Variants in NSUN3 observed in about 807,000 individuals in gnomAD.
The protein encoded by NSUN3 is tRNA (cytosine(34)-C(5))-methyltransferase, mitochondrial.
Under a neutral mutation model 36.8 loss-of-function variants are expected in NSUN3, and 24 were observed. The ratio of observed to expected loss-of-function variants is 0.65; its 90% CI spans 0.47 to 0.92. NSUN3 has a LOEUF of 0.92. NSUN3 is among the 40% of genes least tolerant of loss of function. The pLI is 0.00. For missense variants in NSUN3, 381 were observed against 392.8 expected (o/e 0.97, Z 0.25); for synonymous variants, 146 against 145.2 (o/e 1.01, Z -0.04).
intron 5 of NSUN3, among the ~76,000 whole-genome samples, chr3:94,103,675 A>G (rs985183277): frequency 1.3e-5 from 2 of 152,136 alleles, no homozygotes; most frequent in Admixed American, 6.6e-5. Flanking sequence ...GAACATTTCA[A>G]TTATTCAATA....
intron 1 of NSUN3, among the ~76,000 whole-genome samples, chr3:94,063,592 T>A (rs1051187289): frequency 1.4e-4 from 21 of 152,110 alleles, no homozygotes; most frequent in African/African-American, 4.8e-4. Flanking sequence ...TTTCACCAAT[T>A]TTTCTTGATG....
chr3:94,125,955 G>A (rs1223329245), intron 5 of NSUN3, among the ~76,000 whole-genome samples: 1 of 152,060 alleles, frequency 6.6e-6, no homozygotes, highest in East Asian at 1.9e-4. Context: ...AGCTACTTGG[G>A]AGGCTGAGGC....
At position 94,094,160 on chromosome 3, in the gene NSUN3, T is replaced by A. The variant is rs537915275; in HGVS notation, c.487T>A (p.Tyr163Asn). ...TTTAGGTTATCTTCATTGTAATGAA[T>A]ATGATAGTCTGAGATTGAGGTGGCT... ...ACPGYLHCNE[Y>N]DSLRLRWLRQ... Residue 163 changes from tyrosine to asparagine, a missense_variant, in exon 4 of 6, where the codon TAT (tyrosine) becomes AAT (asparagine). Physicochemically the swap from Tyr to Asn is moderately radical, Grantham distance 143 (BLOSUM62 -2). Transcript: ENST00000314622. The A allele has an allele frequency of 6.2e-7, 1 of 1,611,556 alleles. No individual in the cohort carries two copies. Among genetic ancestry groups the A allele is most frequent in the African/African-American group, 1.3e-5 (1 of 74,926 alleles).
chr3:94,115,383 A>C (rs1001428263), intron 5 of NSUN3, among the ~76,000 whole-genome samples: 5 of 152,166 alleles, frequency 3.3e-5, no homozygotes, highest in African/African-American at 1.2e-4. Context: ...ATTTGCTTCC[A>C]ACGGAAGGGT....
chr3:94,111,133 G>T (rs1334032966), intron 5 of NSUN3, among the ~76,000 whole-genome samples: 1 of 152,150 alleles, frequency 6.6e-6, no homozygotes, highest in Non-Finnish European at 1.5e-5. Flanking sequence ...GAATACTGTA[G>T]GCAGTTGTAA....
chr3:94,099,979 G>A (rs1349962790), intron 5 of NSUN3, among the ~76,000 whole-genome samples: 2 of 152,076 alleles, frequency 1.3e-5, no homozygotes, highest in Non-Finnish European at 2.9e-5. Flanking sequence ...GAAATAAAAG[G>A]TTTTAAAATG....
chr3:94,084,230 A>AC lies in NSUN3; in HGVS notation c.249dup (p.Asn84GlnfsTer4). The AC allele has an allele frequency of 6.2e-7, 1 of 1,614,086 alleles. No homozygotes were observed. On this transcript the variant is annotated frameshift_variant, in exon 3 of 6. Coordinates refer to ENST00000314622, the MANE Select transcript of NSUN3 (RefSeq NM_022072.5). LOFTEE classifies it high-confidence loss of function. Reference sequence around the variant, plus strand: ...ATCACACACTCTCTCAGGGATCTTTACCCAACTATCCTAAATCAGTGAAGT... The same window carrying AC: ...ATCACACACTCTCTCAGGGATCTTTACCCCAACTATCCTAAATCAGTGAAGT...
chr3:94,064,446 A>G lies in NSUN3; in HGVS notation c.22A>G (p.Lys8Glu). ...TTTCTTATCGTCATAGCTGAAAGCA[A>G]AATCAGAGGGGAAGCTTGCAAAACA... The part of the protein sequence containing the change: MLTQLKA[K>E]SEGKLAKQIC... The change falls in exon 2 of 6, where the codon AAA becomes GAA. Residue 8 changes from lysine (K) to glutamate (E), a missense_variant. Physicochemically the swap from Lys to Glu is moderately conservative, Grantham distance 56. Coordinates refer to ENST00000314622, the MANE Select transcript of NSUN3 (RefSeq NM_022072.5). 6.2e-7 allele frequency: 1 copy of G among 1,612,948 alleles called. No homozygotes were observed. Among genetic ancestry groups the G allele is most frequent in the Non-Finnish European group, 8.5e-7 (1 of 1,179,038 alleles).
chr3:94,126,403 G>T lies in NSUN3; in HGVS notation c.936G>T (p.Gly312=). The T allele has an allele frequency of 3.1e-6, 5 of 1,614,106 alleles. No individual in the cohort carries two copies. The highest frequency in any genetic ancestry group is 4.2e-6 in the Non-Finnish European group (5 of 1,179,994). ...TTGCTCCCACTGGCCAGGAATGTGG[G>T]CTCTTAGTGATTCCAGATAAGGGCA... ...FTFAPTGQEC[G]LLVIPDKGKA... Residue 312 remains glycine (G), a synonymous_variant, in exon 6 of 6, where the codon GGG becomes GGT. Coordinates refer to ENST00000314622, the MANE Select transcript of NSUN3 (RefSeq NM_022072.5).
rs1413349240 is a variant in NSUN3 at position 94,099,741 on chromosome 3, GA to G, written c.743+4595del. Among the ~76,000 whole-genome samples, 120 of 147,686 alleles carry G rather than the reference GA, an allele frequency of 8.1e-4. 2 individuals are homozygous for G. The highest frequency in any genetic ancestry group is 2.8e-3 in the African/African-American group (114 of 40,262). On this transcript the variant is annotated intron_variant, in intron 5 of 5. Transcript: ENST00000314622. ...AGTCTTGGGGTTAAAAAGATAAGGG[GA>G]AAAAAAATGATGATACCAGACACAA...
chr3:94,110,779 T>C (rs557933641), intron 5 of NSUN3, among the ~76,000 whole-genome samples: 3 of 151,494 alleles, frequency 2.0e-5, no homozygotes, highest in East Asian at 2.0e-4. Flanking sequence ...CATATATATA[T>C]ACACACACAT....
Position 94,064,556 on chromosome 3 carries a change from A to G in NSUN3, c.122+10A>G, listed in dbSNP as rs1326168831. 6.9e-7 allele frequency: 1 copy of G among 1,445,366 alleles called. No homozygotes were observed. The allele number at this position is 1,445,366 out of a possible 1,614,324, so 89.5% of individuals were successfully genotyped here. A position where few individuals can be genotyped will look rare whatever the true frequency, so the allele number is the denominator to read the frequency against. On this transcript the variant is annotated intron_variant, in intron 2 of 5. Coordinates refer to ENST00000314622, the MANE Select transcript of NSUN3 (RefSeq NM_022072.5). Reference sequence around the variant, plus strand: ...CCTGGAATACAGTAAGGTTAGTATAATTCATCTCGATGCTTTATGATGGAA... The same window carrying G: ...CCTGGAATACAGTAAGGTTAGTATAGTTCATCTCGATGCTTTATGATGGAA...
intron 3 of NSUN3, among the ~76,000 whole-genome samples, chr3:94,092,956 A>G (rs1309507399): frequency 6.7e-6 from 1 of 149,790 alleles, no homozygotes; most frequent in Non-Finnish European, 1.5e-5. Context: ...GAAAAGAAAT[A>G]TGGAGCCCTC....
intron 2 of NSUN3, among the ~76,000 whole-genome samples, chr3:94,073,775 T>C (rs2077235437): frequency 6.6e-6 from 1 of 152,230 alleles, no homozygotes; most frequent in South Asian, 2.1e-4. Flanking sequence ...TGGTAGTTTC[T>C]TTTACTGTGC....
At chr3:94,093,768 CGTTA>C (rs975769659) in intron 3 of NSUN3, among the ~76,000 whole-genome samples, 7 of 152,144 alleles carry the variant, frequency 4.6e-5, no homozygotes, top group African/African-American at 1.7e-4. Flanking sequence ...TACTCTTAAG[CGTTA>C]GTTCTTTAGA....
intron 2 of NSUN3, among the ~76,000 whole-genome samples, chr3:94,068,122 C>T (rs528568833): frequency 2.2e-4 from 33 of 152,106 alleles, no homozygotes; most frequent in Non-Finnish European, 4.4e-4. Flanking sequence ...TATCTCTGTG[C>T]TCCATTGTCC....
chr3:94,116,297 C>T (rs775000096), intron 5 of NSUN3, among the ~76,000 whole-genome samples: 14 of 152,242 alleles, frequency 9.2e-5, no homozygotes, highest in South Asian at 6.2e-4. Context: ...GGATGGAGAA[C>T]TTCATCCTTG....
chr3:94,076,472 T>C, intron 2 of NSUN3: 3 of 787,748 alleles, frequency 3.8e-6, no homozygotes, highest in Non-Finnish European at 7.0e-6. Flanking sequence ...ATGGAACAGA[T>C]GCCAGGAAAC....
intron 2 of NSUN3, among the ~76,000 whole-genome samples, chr3:94,078,408 A>G (rs1305838160): frequency 1.3e-5 from 2 of 152,200 alleles, no homozygotes; most frequent in African/African-American, 2.4e-5. Context: ...AATAATGTAT[A>G]TTCTGTTGAT....
Sources: gnomAD v4.1 joint callset for allele counts (sites outside exome capture counted in the v4.1 genomes callset) on GRCh38, gnomAD v4.1.1 for gene constraint, MANE v1.5 for transcripts, NCBI Gene and HGNC (gene_info 2026-07-23, HGNC 2026-07-21) for gene names.